The following COPS4 variants were observed in gnomAD, a reference collection of about 807,000 sequenced individuals.
COPS4 encodes the protein COP9 signalosome subunit 4.
In COPS4, 8 loss-of-function variants were observed where a neutral mutation model predicts 55.1. The observed-to-expected ratio is 0.15, with a 90% CI of 0.09 to 0.26. The LOEUF (loss-of-function observed/expected upper bound fraction) is 0.26. Ranked by LOEUF, COPS4 falls within the 10% of genes least tolerant of loss-of-function variation. The probability of loss-of-function intolerance (pLI) is 1.00; values close to 1 mark genes in which losing one functional copy is unlikely to be tolerated. For synonymous variants in COPS4, 185 were observed against 165.7 expected, an observed-to-expected ratio of 1.12 and a Z score of -0.90; for missense variants, 248 against 484.0, an observed-to-expected ratio of 0.51 and a Z score of 4.58.
At chr4:83,046,618 T>C (rs1032324266) in intron 2 of COPS4, among the ~76,000 whole-genome samples, 4 of 152,156 alleles carry the variant, frequency 2.6e-5, no homozygotes, top group Non-Finnish European at 5.9e-5. Context: ...AAGAATACAA[T>C]CATGTCCTGT....
chr4:83,050,611 C>T (rs768723308), intron 4 of COPS4, among the ~76,000 whole-genome samples: 26 of 152,036 alleles, frequency 1.7e-4, no homozygotes, highest in Non-Finnish European at 2.1e-4. Flanking sequence ...TGCACCTGGC[C>T]GAATATCATC....
chr4:83,039,364 C>G (rs1402054175), intron 1 of COPS4, among the ~76,000 whole-genome samples: 1 of 152,206 alleles, frequency 6.6e-6, no homozygotes, highest in Non-Finnish European at 1.5e-5. Flanking sequence ...CATACAAGGC[C>G]TCTCGAGGTC....
chr4:83,074,786 G>A (rs1376806301), intron 9 of COPS4, among the ~76,000 whole-genome samples: 5 of 151,796 alleles, frequency 3.3e-5, no homozygotes, highest in African/African-American at 7.3e-5. Flanking sequence ...GGTTACAGGC[G>A]TGAGCCACCA....
chr4:83,070,142 C>G (rs1184184331), intron 9 of COPS4, among the ~76,000 whole-genome samples: 1 of 152,154 alleles, frequency 6.6e-6, no homozygotes, highest in Non-Finnish European at 1.5e-5. Context: ...TCTACTTTTC[C>G]TCTTATATCT....
At chr4:83,045,566 A>T (rs1578705462) in intron 1 of COPS4, 60 bp from the exon 2 acceptor site, 3 of 1,305,582 alleles carry the variant, frequency 2.3e-6, no homozygotes, top group Non-Finnish European at 3.3e-6. Context: ...ATACACATCA[A>T]AGTTTGCATT....
chr4:83,064,869 C>CTTTTTTTTTTTTT (rs140166684), intron 7 of COPS4, among the ~76,000 whole-genome samples: 21 of 73,628 alleles, frequency 2.9e-4, no homozygotes, highest in African/African-American at 7.2e-4. Flanking sequence ...TAAGCAGTCC[C>CTTTTTTTTTTTTT]TTTTTTTTTT....
At chr4:83,038,383 T>C (rs1042065208) in intron 1 of COPS4, among the ~76,000 whole-genome samples, 16 of 152,184 alleles carry the variant, frequency 1.1e-4, no homozygotes, top group Non-Finnish European at 4.4e-5. Context: ...GTCACACAGC[T>C]AGTGGTGAAG....
intron 1 of COPS4, among the ~76,000 whole-genome samples, chr4:83,042,731 T>C (rs529703297): frequency 6.6e-6 from 1 of 152,186 alleles, no homozygotes; most frequent in South Asian, 2.1e-4. Context: ...GCCTCCCAAG[T>C]AGCTGGCACC....
chr4:83,057,117 G>C, intron 5 of COPS4, 38 bp downstream of exon 5: 1 of 1,579,114 alleles, frequency 6.3e-7, no homozygotes, highest in Non-Finnish European at 8.7e-7. Flanking sequence ...TTTTGTATTG[G>C]AGAATTGTAA....
chr4:83,071,578 C>T (rs1407831414), intron 9 of COPS4, among the ~76,000 whole-genome samples: 1 of 152,140 alleles, frequency 6.6e-6, no homozygotes, highest in East Asian at 1.9e-4. Context: ...GTACACACCG[C>T]ACCTGGCTAG....
At chr4:83,041,354 C>T (rs1417276646) in intron 1 of COPS4, among the ~76,000 whole-genome samples, 3 of 151,984 alleles carry the variant, frequency 2.0e-5, no homozygotes, top group African/African-American at 4.8e-5. Flanking sequence ...TGAGCCACTG[C>T]GCCCGGCCAA....
intron 1 of COPS4, 111 bp from the exon 2 acceptor site, chr4:83,045,515 A>C: frequency 6.7e-6 from 5 of 744,302 alleles, no homozygotes; most frequent in Non-Finnish European, 9.0e-6. Flanking sequence ...ACCACAAACT[A>C]TAGTACTATG....
chr4:83,045,711 T>TG lies in COPS4; in HGVS notation c.154+7dup. ...GAAAGCTTTTGTGGAAGCAAGTAAG[T>TG]GAAATGGAAATTTCATGCTTGCCTT... is the stretch of plus-strand genomic sequence containing the variant. On this transcript the variant is annotated splice_region_variant and intron_variant, in intron 2 of 9. Coordinates refer to ENST00000264389, the MANE Select transcript of COPS4 (RefSeq NM_016129.3). 1 of 1,604,928 alleles carries TG rather than the reference T, an allele frequency of 6.2e-7. No homozygotes were observed. The highest frequency in any genetic ancestry group is 1.3e-5 in the African/African-American group (1 of 74,860).
At chr4:83,058,651 G>A (rs1368287043) in intron 6 of COPS4, among the ~76,000 whole-genome samples, 1 of 152,112 alleles carries the variant, frequency 6.6e-6, no homozygotes, top group Non-Finnish European at 1.5e-5. Context: ...CAATACAAAT[G>A]GTAGCATATA....
At position 83,042,909 on chromosome 4, in the gene COPS4, T is replaced by G. The variant is rs986142247; in HGVS notation, c.75-2717T>G. 7.5e-4 allele frequency among the ~76,000 whole-genome samples: 113 copies of G among 151,642 alleles called. No homozygotes were observed. The Middle Eastern group carries it at 0.017, about 23-fold the overall frequency. ...CATGAGCCACCACGCCCAACCAATT[T>G]TTGTATTTTTTTTTTTTTTTTGTAG... On this transcript the variant is annotated intron_variant, in intron 1 of 9. Coordinates refer to ENST00000264389, the MANE Select transcript of COPS4 (RefSeq NM_016129.3).
chr4:83,050,016 A>G, intron 4 of COPS4, 32 bp downstream of exon 4: 1 of 1,283,516 alleles, frequency 7.8e-7, no homozygotes, highest in Non-Finnish European at 1.1e-6. Context: ...GGATGACTAT[A>G]TATAGGATGT....
intron 1 of COPS4, among the ~76,000 whole-genome samples, chr4:83,040,040 G>A (rs1301956329): frequency 6.6e-6 from 1 of 152,120 alleles, no homozygotes; most frequent in Non-Finnish European, 1.5e-5. Flanking sequence ...CTCTTACTCT[G>A]TCTTTTCCAT....
intron 1 of COPS4, chr4:83,035,709 T>G: frequency 5.8e-6 from 1 of 171,128 alleles, no homozygotes; most frequent in Non-Finnish European, 1.3e-5. Context: ...GAGAAATGTA[T>G]ATTCTGGGGC....
chr4:83,071,350 G>A (rs569596075), intron 9 of COPS4, among the ~76,000 whole-genome samples: 3 of 152,164 alleles, frequency 2.0e-5, no homozygotes, highest in South Asian at 4.1e-4. Context: ...AATGTTGCTT[G>A]TCTATTTCCT....
Sources: gnomAD v4.1 joint callset for allele counts (sites outside exome capture counted in the v4.1 genomes callset) on GRCh38, gnomAD v4.1.1 for gene constraint, MANE v1.5 for transcripts, NCBI Gene and HGNC (gene_info 2026-07-23, HGNC 2026-07-21) for gene names.